Variants in EXOC6B observed in about 807,000 individuals in gnomAD.
The protein encoded by EXOC6B is SEC15 homolog B.
EXOC6B carries 54 observed loss-of-function variants against 113.5 expected under a neutral mutation model. The observed-to-expected ratio is 0.48, with a 90% CI of 0.38 to 0.60. The LOEUF (loss-of-function observed/expected upper bound fraction) is 0.60, where lower values mean the gene tolerates loss of function less well. EXOC6B is among the 20% of genes least tolerant of loss of function. The pLI, the probability that EXOC6B is intolerant of heterozygous loss-of-function variation, is 0.00. For synonymous variants in EXOC6B, 357 were observed against 339.0 expected, an observed-to-expected ratio of 1.05 and a Z score of -0.58; for missense variants, 797 against 977.5, an observed-to-expected ratio of 0.82 and a Z score of 2.46.
At chr2:72,688,856 T>C (rs1454513705) in intron 6 of EXOC6B, among the ~76,000 whole-genome samples, 3 of 152,212 alleles carry the variant, frequency 2.0e-5, no homozygotes. Context: ...CCAAACATTA[T>C]CAAGCACTTT....
At chr2:72,809,309 T>C (rs1685749792) in intron 1 of EXOC6B, among the ~76,000 whole-genome samples, 1 of 151,976 alleles carries the variant, frequency 6.6e-6, no homozygotes, top group South Asian at 2.1e-4. Flanking sequence ...TATAAAACAA[T>C]ACAAGTATAT....
intron 5 of EXOC6B, among the ~76,000 whole-genome samples, chr2:72,722,900 G>A (rs1680095018): frequency 6.6e-6 from 1 of 152,078 alleles, no homozygotes; most frequent in South Asian, 2.1e-4. Flanking sequence ...GAAAACATCT[G>A]GTCTGTCAAA....
chr2:72,539,391 A>G (rs1702466707), intron 8 of EXOC6B, among the ~76,000 whole-genome samples: 1 of 152,224 alleles, frequency 6.6e-6, no homozygotes, highest in South Asian at 2.1e-4. Flanking sequence ...TCAAAGTACA[A>G]CTTGATCACC....
intron 1 of EXOC6B, among the ~76,000 whole-genome samples, chr2:72,797,332 A>T (rs1310542551): frequency 6.6e-6 from 1 of 152,244 alleles, no homozygotes; most frequent in African/African-American, 2.4e-5. Flanking sequence ...TCCTCTCAGA[A>T]AAGGAAGGTA....
intron 19 of EXOC6B, among the ~76,000 whole-genome samples, chr2:72,346,912 G>A (rs1391732149): frequency 6.6e-6 from 1 of 152,080 alleles, no homozygotes; most frequent in Non-Finnish European, 1.5e-5. Flanking sequence ...GATGAAAGGA[G>A]TATTTGTAAT....
intron 19 of EXOC6B, among the ~76,000 whole-genome samples, chr2:72,364,563 C>T (rs1690501119): frequency 6.6e-6 from 1 of 152,066 alleles, no homozygotes; most frequent in South Asian, 2.1e-4. Context: ...GTGTTTCCAC[C>T]TTTTCATTAA....
chr2:72,787,420 G>A (rs931907526), intron 1 of EXOC6B, among the ~76,000 whole-genome samples: 6 of 151,700 alleles, frequency 4.0e-5, no homozygotes, highest in Non-Finnish European at 7.4e-5. Context: ...GGCTGGTCTC[G>A]AACTCCTGAT....
chr2:72,597,960 T>G (rs1670181317), intron 6 of EXOC6B, among the ~76,000 whole-genome samples: 1 of 151,804 alleles, frequency 6.6e-6, no homozygotes. Flanking sequence ...TGACAGAACT[T>G]CAAGAGAAAA....
intron 8 of EXOC6B, among the ~76,000 whole-genome samples, chr2:72,517,216 A>G (rs898733469): frequency 1.3e-5 from 2 of 152,222 alleles, no homozygotes; most frequent in African/African-American, 4.8e-5. Context: ...CTGTGTTCCA[A>G]TAAAACCTTG....
At chr2:72,461,378 G>T (rs1017346657) in intron 18 of EXOC6B, 2 of 148,720 alleles carry the variant, frequency 1.3e-5, no homozygotes, top group South Asian at 4.2e-4. Flanking sequence ...AAGAAATAAG[G>T]ATAAACCATG....
In EXOC6B at chr2:72,428,074, G is replaced by A. The variant is rs12612360; in HGVS notation, c.1980+37086C>T. Reference sequence around the variant, plus strand: ...TGGCTATAGAAATGAGCTGTACCCCGTAGATCTCCTCTGAGCTGTTCTATC... The same window carrying A: ...TGGCTATAGAAATGAGCTGTACCCCATAGATCTCCTCTGAGCTGTTCTATC... On this transcript the variant is annotated intron_variant, in intron 18 of 21. Transcript: ENST00000272427. 3.9e-5 allele frequency among the ~76,000 whole-genome samples: 6 copies of A among 152,230 alleles called. No individual in the cohort carries two copies. In the East Asian group the frequency reaches 5.8e-4, roughly 15 times the overall value.
At chr2:72,186,222 A>T (rs1348041309) in intron 20 of EXOC6B, among the ~76,000 whole-genome samples, 4 of 152,310 alleles carry the variant, frequency 2.6e-5, no homozygotes, top group East Asian at 3.9e-4. Context: ...ATGTGTCTTT[A>T]TAGCAGCATG....
At chr2:72,384,700 A>C (rs561556988) in intron 18 of EXOC6B, among the ~76,000 whole-genome samples, 7 of 152,234 alleles carry the variant, frequency 4.6e-5, no homozygotes, top group African/African-American at 1.7e-4. Flanking sequence ...TGCAAATATC[A>C]GGTGTGTTTC....
At chr2:72,195,778 T>C (rs1037365563) in intron 20 of EXOC6B, among the ~76,000 whole-genome samples, 8 of 152,180 alleles carry the variant, frequency 5.3e-5, no homozygotes, top group Non-Finnish European at 1.2e-4. Context: ...ATAATAATAG[T>C]AATAAGCTAA....
intron 6 of EXOC6B, among the ~76,000 whole-genome samples, chr2:72,628,535 C>T (rs1672199125): frequency 6.6e-6 from 1 of 152,092 alleles, no homozygotes; most frequent in Non-Finnish European, 1.5e-5. Flanking sequence ...ATGTTGAAAT[C>T]CTAACCCACA....
intron 10 of EXOC6B, among the ~76,000 whole-genome samples, chr2:72,513,603 CA>C (rs1352680572): frequency 2.0e-5 from 3 of 151,310 alleles, no homozygotes; most frequent in Admixed American, 6.6e-5. Flanking sequence ...CAATGCATTT[CA>C]AAAAAACAAA....
chr2:72,354,959 A>G (rs2104957955), intron 19 of EXOC6B, among the ~76,000 whole-genome samples: 1 of 152,292 alleles, frequency 6.6e-6, no homozygotes, highest in South Asian at 2.1e-4. Flanking sequence ...GCTTTTAAAA[A>G]GAACTGGTAA....
intron 6 of EXOC6B, among the ~76,000 whole-genome samples, chr2:72,600,623 A>G (rs1048904451): frequency 6.6e-6 from 1 of 152,026 alleles, no homozygotes; most frequent in Non-Finnish European, 1.5e-5. Context: ...CATTTCAACA[A>G]ATAGATGATG....
chr2:72,274,730 G>T (rs552004312), intron 20 of EXOC6B, among the ~76,000 whole-genome samples: 1 of 152,046 alleles, frequency 6.6e-6, no homozygotes, highest in Admixed American at 6.6e-5. Context: ...AATCCACCCC[G>T]TAATAAAAGC....
Sources: gnomAD v4.1 joint callset for allele counts (sites outside exome capture counted in the v4.1 genomes callset) on GRCh38, gnomAD v4.1.1 for gene constraint, MANE v1.5 for transcripts, NCBI Gene and HGNC (gene_info 2026-07-23, HGNC 2026-07-21) for gene names.